HECTD4: variants seen among roughly 807,000 people sequenced by gnomAD.
HECTD4 encodes the protein probable E3 ubiquitin-protein ligase HECTD4.
A neutral mutation model predicts 471.5 loss-of-function variants in HECTD4; 114 were observed. The observed-to-expected ratio is 0.24, with a 90% confidence interval of 0.21 to 0.28. HECTD4 has a LOEUF of 0.28. Ranked by LOEUF, HECTD4 falls within the 10% of genes least tolerant of loss-of-function variation. The pLI is 1.00. For synonymous variants in HECTD4, 2,012 were observed against 2,256.0 expected, an observed-to-expected ratio of 0.89 and a Z score of 3.07; for missense variants, 3,866 against 5,651.5, an observed-to-expected ratio of 0.68 and a Z score of 10.13.
At chr12:112,347,936 C>G (rs905858214) in intron 1 of HECTD4, among the ~76,000 whole-genome samples, 1 of 152,150 alleles carries the variant, frequency 6.6e-6, no homozygotes, top group Non-Finnish European at 1.5e-5. Flanking sequence ...CATGCTTGAG[C>G]TTTTTCAGGC....
At chr12:112,284,588 T>C (rs1260389558) in intron 7 of HECTD4, among the ~76,000 whole-genome samples, 1 of 152,188 alleles carries the variant, frequency 6.6e-6, no homozygotes, top group East Asian at 1.9e-4. Context: ...GAAAAAGATT[T>C]GTTACAGAGT....
chr12:112,247,265 C>T (rs1456550481), intron 28 of HECTD4, among the ~76,000 whole-genome samples, 189 bp from the exon 29 acceptor site: 3 of 152,202 alleles, frequency 2.0e-5, no homozygotes, highest in Non-Finnish European at 4.4e-5. Flanking sequence ...ACTTCTGGCT[C>T]CTTTTTCTGT....
At chr12:112,287,000 A>C (rs1566099415) in intron 7 of HECTD4, among the ~76,000 whole-genome samples, 1 of 152,188 alleles carries the variant, frequency 6.6e-6, no homozygotes, top group Admixed American at 6.5e-5. Context: ...TTTAGCACCG[A>C]AAGTTCCATG....
In HECTD4 at chr12:112,184,229, C is replaced by T; in HGVS notation, c.10737G>A (p.Gln3579=). ...CTTTGATGGGGCGGGCGGCGAGGGG[C>T]TGGTTGTCCAGGGAAGTGACTGTGT... is the stretch of plus-strand genomic sequence containing the variant. ...SMYTVTSLDN[Q]PLAARPIKGF... is the part of the protein sequence containing the mutation. Residue 3579 remains glutamine (Q), a synonymous_variant, in exon 61 of 76, where the codon CAG becomes CAA. Coordinates refer to ENST00000682272, the MANE Select transcript of HECTD4 (RefSeq NM_001388303.1). This position sits in a 1 kb window ranked among gnomAD's most constrained non-coding sequence, Gnocchi z 9.1. 6.2e-7 allele frequency: 1 copy of T among 1,613,198 alleles called. No individual in the cohort carries two copies. The highest frequency in any genetic ancestry group is 8.5e-7 in the Non-Finnish European group (1 of 1,179,656).
At chr12:112,340,305 G>A (rs1285652350) in intron 1 of HECTD4, among the ~76,000 whole-genome samples, 1 of 152,164 alleles carries the variant, frequency 6.6e-6, no homozygotes, top group African/African-American at 2.4e-5. Flanking sequence ...CCAATGCAAG[G>A]TGTGATGAGC....
At chr12:112,178,788 C>T in intron 64 of HECTD4, 143 bp downstream of exon 64, 1 of 992,750 alleles carries the variant, frequency 1.0e-6, no homozygotes, top group South Asian at 1.8e-5. Flanking sequence ...GGCCGCTGCA[C>T]TCCAGCCTGG....
intron 1 of HECTD4, among the ~76,000 whole-genome samples, chr12:112,347,741 G>A (rs1267136108): frequency 1.3e-5 from 2 of 152,182 alleles, no homozygotes; most frequent in Non-Finnish European, 2.9e-5. Context: ...GTTTCCTAAA[G>A]CCAAGATGCT....
At chr12:112,328,100 C>A (rs1204079623) in intron 1 of HECTD4, among the ~76,000 whole-genome samples, 1 of 148,870 alleles carries the variant, frequency 6.7e-6, no homozygotes, top group Non-Finnish European at 1.5e-5. Context: ...CTTGCAACCT[C>A]AATGTAAAAC....
At chr12:112,217,517 C>A (rs2135550964) in intron 45 of HECTD4, among the ~76,000 whole-genome samples, 1 of 152,238 alleles carries the variant, frequency 6.6e-6, no homozygotes, top group African/African-American at 2.4e-5. Context: ...CCACACCCAG[C>A]TAATTTTTGT....
At position 112,228,363 on chromosome 12, in the gene HECTD4, A is replaced by T. The variant is rs189450381; in HGVS notation, c.6685-105T>A. 98 of 1,222,960 alleles carry T rather than the reference A, an allele frequency of 8.0e-5. 3 individuals carry two copies. In the Admixed American group the frequency reaches 3.0e-3, roughly 37 times the overall value. 75.8% of individuals were successfully genotyped at this position (1,222,960 alleles called of 1,614,324 possible). On this transcript the variant is annotated intron_variant, in intron 42 of 75. Coordinates refer to ENST00000682272, the MANE Select transcript of HECTD4 (RefSeq NM_001388303.1). This position sits in a 1 kb window ranked among gnomAD's most constrained non-coding sequence, Gnocchi z 4.9. ...GGAGTTAATTCTTAAATTTTCAGTT[A>T]AAAAAATAAAATCACCATACAGAAA... is the stretch of plus-strand genomic sequence containing the variant.
In HECTD4 at chr12:112,276,030, T is replaced by C. The variant is rs549908209; in HGVS notation, c.1688-1070A>G. Among the ~76,000 whole-genome samples the C allele has an allele frequency of 1.6e-4, 25 of 152,292 alleles. No individual in the cohort carries two copies. In the South Asian group the frequency reaches 4.8e-3, roughly 29 times the overall value. On this transcript the variant is annotated intron_variant, in intron 9 of 75. Transcript: ENST00000682272. Reference sequence around the variant, plus strand: ...GTGCAGCTCACAAATCTGCTCCACATGGATCCTTCCAGCAGGGATGCAGCA... The same window carrying C: ...GTGCAGCTCACAAATCTGCTCCACACGGATCCTTCCAGCAGGGATGCAGCA...
At chr12:112,268,413 CTT>C (rs377211289) in intron 13 of HECTD4, among the ~76,000 whole-genome samples, 42 of 152,322 alleles carry the variant, frequency 2.8e-4, no homozygotes, top group East Asian at 7.7e-4. Flanking sequence ...TCAGCTCTCT[CTT>C]GGACACTAAA....
intron 1 of HECTD4, among the ~76,000 whole-genome samples, chr12:112,345,719 C>A (rs558893435): frequency 2.0e-5 from 3 of 152,202 alleles, no homozygotes; most frequent in East Asian, 1.9e-4. Flanking sequence ...CACAGTGAAA[C>A]CCCGTCTCTA....
rs377114871 is a variant in HECTD4, at chr12:112,248,342, T to C, written c.4121A>G (p.Asn1374Ser). The change falls in exon 26 of 76, where the codon AAT (asparagine) becomes AGT (serine). Residue 1374 changes from asparagine to serine, a missense_variant. Around this residue, in one of 16 missense-constraint regions of HECTD4, gnomAD observed 281 missense variants for 499.9 expected, o/e 0.56. Coordinates refer to ENST00000682272, the MANE Select transcript of HECTD4 (RefSeq NM_001388303.1). Reference sequence around the variant, plus strand: ...TACCTGCAGCTGTCTCTCCATGGCATTGAGTTTCTTAAAGGTCTCTCCCAT... The same window carrying C: ...TACCTGCAGCTGTCTCTCCATGGCACTGAGTTTCTTAAAGGTCTCTCCCAT... ...KIMGETFKKL[N>S]AMERQLQSVA... 3.1e-5 allele frequency: 49 copies of C among 1,601,018 alleles called. No individual in the cohort carries two copies. The highest frequency in any genetic ancestry group is 1.7e-4 in the Admixed American group (10 of 57,932).
At chr12:112,277,766 C>T (rs1019483706) in intron 9 of HECTD4, among the ~76,000 whole-genome samples, 1 of 152,186 alleles carries the variant, frequency 6.6e-6, no homozygotes, top group African/African-American at 2.4e-5. Flanking sequence ...ACTATATTTA[C>T]ATCGAGGGAA....
chr12:112,231,332 C>G, intron 39 of HECTD4, 181 bp downstream of exon 39: 1 of 614,718 alleles, frequency 1.6e-6, no homozygotes, highest in Non-Finnish European at 2.9e-6. Context: ...TCAGATCTAC[C>G]TGGATGGTCA....
In HECTD4 at chr12:112,193,621, T is replaced by C. The variant is rs764908478; in HGVS notation, c.8803A>G (p.Ile2935Val). 3 of 1,613,260 alleles carry C rather than the reference T, an allele frequency of 1.9e-6. No homozygotes were observed. Among genetic ancestry groups the C allele is most frequent in the Non-Finnish European group, 2.5e-6 (3 of 1,179,626 alleles). Residue 2935 changes from isoleucine (I) to valine (V), a missense_variant, in exon 57 of 76, where the codon ATC (isoleucine) becomes GTC (valine). Ile to Val is a conservative substitution (Grantham distance 29, BLOSUM62 3). This residue lies in a region of HECTD4 where 364 missense variants were observed against 413.2 expected (regional missense o/e 0.88). Coordinates refer to ENST00000682272, the MANE Select transcript of HECTD4 (RefSeq NM_001388303.1). The surrounding 1 kb of genome is among the most constrained non-coding windows in gnomAD (Gnocchi z 5.2). Reference protein sequence around the residue: ...ILLAQSLQHCIHSQNCSATDL... With the variant: ...ILLAQSLQHCVHSQNCSATDL... ...GTGGCGGAGCAGTTCTGGGAATGGA[T>C]GCAATGCTGTAAAGACTGCGCCAGG...
rs529710640 is a variant in HECTD4, at chr12:112,313,604, C to T, written c.786-457G>A. Among the ~76,000 whole-genome samples the T allele has an allele frequency of 3.3e-5, 5 of 151,172 alleles. No individual in the cohort carries two copies. The South Asian group carries it at 1.0e-3, about 32-fold the overall frequency. On this transcript the variant is annotated intron_variant, in intron 3 of 75. Transcript: ENST00000682272. ...CCAGGTTCATGCCATTCTCCTGCCT[C>T]GGCCTCCCAAACAGCTGGGACTACA... is the stretch of plus-strand genomic sequence containing the variant.
intron 1 of HECTD4, among the ~76,000 whole-genome samples, chr12:112,331,322 C>T (rs751628362): frequency 6.6e-6 from 1 of 152,172 alleles, no homozygotes; most frequent in African/African-American, 2.4e-5. Flanking sequence ...CCTCCTGCCT[C>T]GGCCTCCCAA....
Sources: allele counts gnomAD v4.1 joint callset (sites outside exome capture counted in the v4.1 genomes callset), GRCh38; gene constraint gnomAD v4.1.1; regional missense constraint gnomAD v4.1.1; non-coding constraint Gnocchi (gnomAD v3.1); transcripts MANE v1.5; gene names NCBI Gene and HGNC (gene_info 2026-07-23, HGNC 2026-07-21).